Variants in BHMT2 observed in about 807,000 individuals in gnomAD.
BHMT2 encodes the protein betaine--homocysteine S-methyltransferase 2.
Under a neutral mutation model 39.0 loss-of-function variants are expected in BHMT2, and 28 were observed. That is an observed-to-expected ratio of 0.72 (90% CI 0.53 to 0.98). The LOEUF is 0.98. Among genes scored for constraint, BHMT2 ranks in the 50% least tolerant of loss-of-function variants. The probability of loss-of-function intolerance (pLI) is 0.00; values close to 1 mark genes in which losing one functional copy is unlikely to be tolerated. For synonymous variants in BHMT2, 145 were observed against 160.6 expected, an observed-to-expected ratio of 0.90 and a Z score of 0.74; for missense variants, 410 against 455.6, an observed-to-expected ratio of 0.90 and a Z score of 0.91.
At chr5:79,076,641 TC>T (rs1755677829) in intron 1 of BHMT2, among the ~76,000 whole-genome samples, 1 of 151,984 alleles carries the variant, frequency 6.6e-6, no homozygotes, top group Admixed American at 6.6e-5. Flanking sequence ...CTTGGGCAAG[TC>T]AACCATTCTG....
In BHMT2 at chr5:79,080,738, A is replaced by G. The variant is rs1334354722; in HGVS notation, c.310A>G (p.Lys104Glu). 1.2e-5 allele frequency: 19 copies of G among 1,601,982 alleles called. No individual in the cohort carries two copies. In the East Asian group the frequency reaches 4.3e-4, roughly 37 times the overall value. The change falls in exon 4 of 8, where the codon AAA becomes GAA. Residue 104 changes from lysine to glutamate, a missense_variant. Coordinates refer to ENST00000255192, the MANE Select transcript of BHMT2 (RefSeq NM_017614.5). ...TGACCTCGCCAGGGAAGTGGCTGGC[A>G]AAGGTGATGCTTTGGTAGCAGGGGG... The part of the protein sequence containing the change: ...ACDLAREVAG[K>E]GDALVAGGIC...
chr5:79,073,547 G>A (rs623844), intron 1 of BHMT2, among the ~76,000 whole-genome samples: 79,460 of 152,010 alleles, frequency 0.52, 22,332 homozygotes, highest in East Asian at 0.61. Flanking sequence ...AAAATTTAAG[G>A]CCTTTTTTAT....
chr5:79,077,247 T>A (rs558978522), intron 1 of BHMT2, among the ~76,000 whole-genome samples: 6 of 152,210 alleles, frequency 3.9e-5, no homozygotes, highest in Non-Finnish European at 7.3e-5. Context: ...TTGACTCAGA[T>A]TAAATGTTAT....
At chr5:79,073,753 A>G (rs6453428) in intron 1 of BHMT2, among the ~76,000 whole-genome samples, 13,768 of 152,264 alleles carry the variant, frequency 0.09, 694 homozygotes, top group Middle Eastern at 0.12. Flanking sequence ...TAGTTCACAC[A>G]GCTGGGCTCC....
intron 1 of BHMT2, among the ~76,000 whole-genome samples, chr5:79,073,982 G>A (rs551735114): frequency 6.6e-6 from 1 of 152,318 alleles, no homozygotes; most frequent in Non-Finnish European, 1.5e-5. Context: ...CATAGCAAAT[G>A]TGGCCATAGT....
chr5:79,071,835 A>C (rs868854433), intron 1 of BHMT2, among the ~76,000 whole-genome samples: 28 of 151,862 alleles, frequency 1.8e-4, no homozygotes, highest in Admixed American at 6.6e-4. Flanking sequence ...AAAAAAAAAA[A>C]AAAAAAAAAA....
rs1306687051 is a variant in BHMT2 at position 79,083,853 on chromosome 5, C to T, written c.1007C>T (p.Ala336Val). The T allele has an allele frequency of 6.2e-7, 1 of 1,611,298 alleles. No individual in the cohort carries two copies. Among genetic ancestry groups the T allele is most frequent in the Non-Finnish European group, 8.5e-7 (1 of 1,178,810 alleles). Residue 336 changes from alanine to valine, a missense_variant, in exon 7 of 8, where the codon GCA (alanine) becomes GTA (valine). By Grantham distance (64) the Ala-to-Val change is moderately conservative (BLOSUM62 0). Coordinates refer to ENST00000255192, the MANE Select transcript of BHMT2 (RefSeq NM_017614.5). Reference protein sequence around the residue: ...LDMHTKPWIRARARREYWENL... With the variant: ...LDMHTKPWIRVRARREYWENL... ...ATGCACACCAAACCCTGGATTAGAG[C>T]AAGGTAAGCATTTTTAAATTAACAT...
intron 4 of BHMT2, among the ~76,000 whole-genome samples, chr5:79,081,267 G>C (rs1755784430): frequency 1.3e-5 from 2 of 152,210 alleles, no homozygotes; most frequent in African/African-American, 4.8e-5. Flanking sequence ...GCAAGGCCTG[G>C]AAGGTGGTGG....
chr5:79,080,748 C>T lies in BHMT2; in HGVS notation c.320C>T (p.Ala107Val). ...AGGGAAGTGGCTGGCAAAGGTGATG[C>T]TTTGGTAGCAGGGGGGATCTGCCAG... Reference protein sequence around the residue: ...LAREVAGKGDALVAGGICQTS... With the variant: ...LAREVAGKGDVLVAGGICQTS... Residue 107 changes from alanine (A) to valine (V), a missense_variant, in exon 4 of 8, where the codon GCT becomes GTT. Coordinates refer to ENST00000255192, the MANE Select transcript of BHMT2 (RefSeq NM_017614.5). 6.2e-7 allele frequency: 1 copy of T among 1,603,820 alleles called. No homozygotes were observed. The highest frequency in any genetic ancestry group is 1.1e-5 in the South Asian group (1 of 88,738).
At chr5:79,077,729 T>C (rs1013043853) in intron 2 of BHMT2, 117 bp downstream of exon 2, 1 of 1,294,414 alleles carries the variant, frequency 7.7e-7, no homozygotes, top group Non-Finnish European at 1.1e-6. Flanking sequence ...CTTGCTAAGA[T>C]TGCCAAGATG....
chr5:79,082,872 G>A lies in BHMT2; in HGVS notation c.514G>A (p.Val172Met), dbSNP rs370387743. ...VEVLKESDRP[V>M]AVTMCIGPEG... ...AGTCTTAAAAGAATCAGATAGACCCGTGGCAGTTACCATGTGCATAGGCCC... is the reference window on the plus strand; with the variant it reads ...AGTCTTAAAAGAATCAGATAGACCCATGGCAGTTACCATGTGCATAGGCCC... Residue 172 changes from valine to methionine, a missense_variant, in exon 5 of 8, where the codon GTG becomes ATG. By Grantham distance (21) the Val-to-Met change is conservative (BLOSUM62 1). Transcript: ENST00000255192. 5.2e-5 allele frequency: 84 copies of A among 1,614,016 alleles called. No individual in the cohort carries two copies. The highest frequency in any genetic ancestry group is 3.3e-4 in the Middle Eastern group (2 of 6,084).
rs10069549 is a variant in BHMT2, at chr5:79,089,862, G to C, written c.*1288G>C. On this transcript the variant is annotated 3_prime_UTR_variant, in exon 8 of 8. Coordinates refer to ENST00000255192, the MANE Select transcript of BHMT2 (RefSeq NM_017614.5). ...TGCATGCCTGTAATCCCAGCTACTTGGAGGCTGAGGCATGAGAATTGCTTG... is the reference window on the plus strand; with the variant it reads ...TGCATGCCTGTAATCCCAGCTACTTCGAGGCTGAGGCATGAGAATTGCTTG... Among the ~76,000 whole-genome samples, 29,155 of 152,124 alleles carry C rather than the reference G, an allele frequency of 0.19. 3,642 individuals carry two copies. The highest frequency in any genetic ancestry group is 0.28 in the Non-Finnish European group (19,172 of 67,960).
chr5:79,089,950 A>G lies in BHMT2; in HGVS notation c.*1376A>G, dbSNP rs983122628. Among the ~76,000 whole-genome samples, 9 of 152,254 alleles carry G rather than the reference A, an allele frequency of 5.9e-5. No individual in the cohort carries two copies. The highest frequency in any genetic ancestry group is 1.3e-4 in the Non-Finnish European group (9 of 68,046). On this transcript the variant is annotated 3_prime_UTR_variant, in exon 8 of 8. Transcript: ENST00000255192. ...CCCACTGCAATCCAGCCTGGGAGAC[A>G]TAATTCAAATCTATTTTGGTCTTAT...
In BHMT2 at chr5:79,088,541, T is replaced by C; in HGVS notation, c.1059T>C (p.Pro353=). Residue 353 remains proline, a synonymous_variant, in exon 8 of 8, where the codon CCT becomes CCC. Coordinates refer to ENST00000255192, the MANE Select transcript of BHMT2 (RefSeq NM_017614.5). ...ATCTGCTGCCAGCTTCAGGCAGACC[T>C]TTCTGTCCTTCGCTGTCAAAGCCAG... The part of the protein sequence containing the change: ...WENLLPASGR[P]FCPSLSKPDF 6.2e-7 allele frequency: 1 copy of C among 1,614,146 alleles called. No individual in the cohort carries two copies. Among genetic ancestry groups the C allele is most frequent in the Non-Finnish European group, 8.5e-7 (1 of 1,179,988 alleles).
intron 7 of BHMT2, among the ~76,000 whole-genome samples, chr5:79,086,018 C>T (rs1460881125): frequency 2.0e-5 from 3 of 152,170 alleles, no homozygotes; most frequent in South Asian, 2.1e-4. Context: ...TTTGTGAGCA[C>T]GCTCATGGGT....
At chr5:79,086,200 TAGTTC>T (rs1732273235) in intron 7 of BHMT2, among the ~76,000 whole-genome samples, 1 of 152,196 alleles carries the variant, frequency 6.6e-6, no homozygotes, top group African/African-American at 2.4e-5. Flanking sequence ...AGATTTTAGA[TAGTTC>T]AGGCTGGCTC....
intron 4 of BHMT2, chr5:79,082,604 A>G (rs1166938319): frequency 1.3e-5 from 6 of 473,702 alleles, no homozygotes; most frequent in East Asian, 3.6e-5. Context: ...ATGAAAAACT[A>G]TATGTTATTG....
At chr5:79,072,934 T>A (rs956586523) in intron 1 of BHMT2, among the ~76,000 whole-genome samples, 4 of 151,532 alleles carry the variant, frequency 2.6e-5, no homozygotes, top group African/African-American at 7.3e-5. Flanking sequence ...GCCAATGTTT[T>A]CCCTCGACAA....
chr5:79,074,495 C>T (rs1456760297), intron 1 of BHMT2, among the ~76,000 whole-genome samples: 5 of 152,200 alleles, frequency 3.3e-5, no homozygotes, highest in African/African-American at 4.8e-5. Context: ...AAATTAGCTT[C>T]CCTCTTATTC....
Sources: gnomAD v4.1 joint callset for allele counts (sites outside exome capture counted in the v4.1 genomes callset) on GRCh38, gnomAD v4.1.1 for gene constraint, MANE v1.5 for transcripts, NCBI Gene and HGNC (gene_info 2026-07-23, HGNC 2026-07-21) for gene names.